GYPC: variants seen among roughly 807,000 people sequenced by gnomAD.
GYPC encodes the protein glycophorin C (Gerbich blood group).
A neutral mutation model predicts 12.6 loss-of-function variants in GYPC; 14 were observed. The observed-to-expected ratio is 1.11, with a 90% CI of 0.74 to 1.74. The LOEUF (loss-of-function observed/expected upper bound fraction) is 1.74, where lower values mean the gene tolerates loss of function less well. GYPC is among the 40% of genes most tolerant of loss of function. GYPC has a pLI of 0.00. For missense variants in GYPC, 225 were observed against 172.1 expected (o/e 1.31, Z -1.72); for synonymous variants, 78 against 62.1 (o/e 1.26, Z -1.20).
intron 1 of GYPC, among the ~76,000 whole-genome samples, chr2:126,659,556 C>T (rs898446470): frequency 1.3e-5 from 2 of 152,174 alleles, no homozygotes; most frequent in African/African-American, 4.8e-5. Flanking sequence ...GGACCTGCTC[C>T]CAGTGGCAGA....
chr2:126,677,506 A>AGT (rs748891349), intron 1 of GYPC, among the ~76,000 whole-genome samples: 1 of 136,726 alleles, frequency 7.3e-6, no homozygotes, highest in Admixed American at 7.4e-5. Flanking sequence ...TGTGTATGAG[A>AGT]GTGTGTGTGA....
chr2:126,666,205 G>A (rs572721516), intron 1 of GYPC, among the ~76,000 whole-genome samples: 3 of 152,130 alleles, frequency 2.0e-5, no homozygotes, highest in African/African-American at 4.8e-5. Context: ...CTCTTCCCCC[G>A]GGGAAGGAGT....
chr2:126,673,190 C>T (rs1047701602), intron 1 of GYPC, among the ~76,000 whole-genome samples: 4 of 152,154 alleles, frequency 2.6e-5, no homozygotes, highest in Non-Finnish European at 4.4e-5. Flanking sequence ...TGTGTGCCTC[C>T]TGTCCTAAGT....
At chr2:126,684,280 G>A (rs544739181) in intron 1 of GYPC, among the ~76,000 whole-genome samples, 4 of 152,290 alleles carry the variant, frequency 2.6e-5, no homozygotes, top group Admixed American at 1.3e-4. Context: ...AAGACCAGAC[G>A]AATGCACATG....
intron 1 of GYPC, among the ~76,000 whole-genome samples, chr2:126,676,112 A>G (rs1682989094): frequency 6.6e-6 from 1 of 151,920 alleles, no homozygotes; most frequent in Admixed American, 6.5e-5. Context: ...AAACAGATCC[A>G]CCCCTGTAAC....
chr2:126,689,800 C>T (rs971967854), intron 1 of GYPC, among the ~76,000 whole-genome samples: 8 of 152,324 alleles, frequency 5.3e-5, no homozygotes, highest in South Asian at 2.1e-4. Context: ...GTGAGCCAAA[C>T]AAACCTCTCT....
intron 1 of GYPC, chr2:126,679,935 A>C (rs1356172703): frequency 6.6e-6 from 1 of 152,216 alleles, no homozygotes; most frequent in Non-Finnish European, 1.5e-5. Context: ...CAGGTTGTTC[A>C]GCAAACTACA....
intron 1 of GYPC, chr2:126,658,227 T>C (rs921941298): frequency 6.6e-6 from 1 of 152,276 alleles, no homozygotes; most frequent in Admixed American, 6.5e-5. Context: ...CCTCAGCCAT[T>C]GCTCAATTCC....
intron 3 of GYPC, among the ~76,000 whole-genome samples, chr2:126,695,359 G>C (rs778711506): frequency 3.2e-4 from 49 of 152,256 alleles, no homozygotes; most frequent in African/African-American, 1.2e-3. Context: ...AAAAAGAAAA[G>C]GGAGGGAAGG....
intron 1 of GYPC, among the ~76,000 whole-genome samples, chr2:126,667,996 G>A (rs143529130): frequency 2.0e-5 from 3 of 152,250 alleles, no homozygotes; most frequent in East Asian, 3.9e-4. Flanking sequence ...TCAAAAAGCT[G>A]ATTAGAGACA....
At chr2:126,694,061 T>C in intron 3 of GYPC, 114 bp downstream of exon 3, 1 of 763,486 alleles carries the variant, frequency 1.3e-6, no homozygotes, top group Non-Finnish European at 2.4e-6. Flanking sequence ...CCATTTTTTC[T>C]CTCCCTCAGA....
Position 126,664,795 on chromosome 2 carries a change from G to A in GYPC, c.49+8483G>A, listed in dbSNP as rs188830753. 2.0e-4 allele frequency among the ~76,000 whole-genome samples: 31 copies of A among 152,260 alleles called. No individual in the cohort carries two copies. The East Asian group carries it at 4.8e-3, about 24-fold the overall frequency. ...TCCCAGGGCTCTGATCCTCCTCTACGTTGGCAGTCCTGGTTCCTTAGCAGT... is the reference window on the plus strand; with the variant it reads ...TCCCAGGGCTCTGATCCTCCTCTACATTGGCAGTCCTGGTTCCTTAGCAGT... On this transcript the variant is annotated intron_variant, in intron 1 of 3. Coordinates refer to ENST00000259254, the MANE Select transcript of GYPC (RefSeq NM_002101.5).
chr2:126,693,204 C>A (rs28387217), intron 2 of GYPC, among the ~76,000 whole-genome samples: 1 of 152,216 alleles, frequency 6.6e-6, no homozygotes, highest in African/African-American at 2.4e-5. Context: ...TTCTAGCTGT[C>A]GTGAGACTGG....
At position 126,696,313 on chromosome 2, in the gene GYPC, G is replaced by T. The variant is rs368350450; in HGVS notation, c.*171G>T. ...TGCCTGCCCAGGGAGGAACGGAGGA[G>T]GACTCGCGCTACAAGAGGCCACTCC... On this transcript the variant is annotated 3_prime_UTR_variant, in exon 4 of 4. Transcript: ENST00000259254. 51 of 658,390 alleles carry T rather than the reference G, an allele frequency of 7.7e-5. No individual in the cohort carries two copies. In the African/African-American group the frequency reaches 8.9e-4, roughly 11 times the overall value. The allele number at this position is 658,390 out of a possible 1,614,324, so 40.8% of individuals were successfully genotyped here.
At chr2:126,689,570 G>A (rs1683394638) in intron 1 of GYPC, among the ~76,000 whole-genome samples, 1 of 150,862 alleles carries the variant, frequency 6.6e-6, no homozygotes, top group African/African-American at 2.5e-5. Context: ...ACCCCCTTGA[G>A]GGAGGGAGGG....
chr2:126,677,952 C>G (rs191652922), intron 1 of GYPC, among the ~76,000 whole-genome samples: 7 of 152,172 alleles, frequency 4.6e-5, no homozygotes, highest in Admixed American at 1.3e-4. Flanking sequence ...CCGGGTGCAG[C>G]GGCTCACGCC....
At chr2:126,677,515 G>A (rs1683034998) in intron 1 of GYPC, among the ~76,000 whole-genome samples, 1 of 92,008 alleles carries the variant, frequency 1.1e-5, no homozygotes. Flanking sequence ...GAGTGTGTGT[G>A]AGTCTGTGTG....
Position 126,696,430 on chromosome 2 carries a change from G to C in GYPC, c.*288G>C. 1 of 436,124 alleles carries C rather than the reference G, an allele frequency of 2.3e-6. No individual in the cohort carries two copies. The highest frequency in any genetic ancestry group is 4.3e-6 in the Non-Finnish European group (1 of 232,984). 27.0% of individuals were successfully genotyped at this position (436,124 alleles called of 1,614,324 possible). Reference sequence around the variant, plus strand: ...CTGGGCACATGGGGCCCCCTGGGCAGTGCAGGACAACATCAGCTCACTGGC... The same window carrying C: ...CTGGGCACATGGGGCCCCCTGGGCACTGCAGGACAACATCAGCTCACTGGC... On this transcript the variant is annotated 3_prime_UTR_variant, in exon 4 of 4. Coordinates refer to ENST00000259254, the MANE Select transcript of GYPC (RefSeq NM_002101.5).
chr2:126,692,721 G>T (rs1683510105), intron 2 of GYPC, among the ~76,000 whole-genome samples: 1 of 151,968 alleles, frequency 6.6e-6, no homozygotes, highest in Non-Finnish European at 1.5e-5. Flanking sequence ...AACACACTCA[G>T]TAACTTGGAT....
Sources: allele counts gnomAD v4.1 joint callset (sites outside exome capture counted in the v4.1 genomes callset), GRCh38; gene constraint gnomAD v4.1.1; transcripts MANE v1.5; gene names NCBI Gene and HGNC (gene_info 2026-07-23, HGNC 2026-07-21).